Variants in BCAS3 observed in about 807,000 individuals in gnomAD.
The protein encoded by BCAS3 is BCAS3 microtubule associated cell migration factor.
A neutral mutation model predicts 116.1 loss-of-function variants in BCAS3; 53 were observed. The ratio of observed to expected loss-of-function variants is 0.46; its 90% confidence interval spans 0.37 to 0.57. The LOEUF (loss-of-function observed/expected upper bound fraction) is 0.57, where lower values mean the gene tolerates loss of function less well. Ranked by LOEUF, BCAS3 falls within the 20% of genes least tolerant of loss-of-function variation. The pLI, the probability that BCAS3 is intolerant of heterozygous loss-of-function variation, is 0.00. For missense variants in BCAS3, 917 were observed against 1,165.4 expected (o/e 0.79, Z 3.10); for synonymous variants, 391 against 408.2 (o/e 0.96, Z 0.51).
chr17:61,048,695 C>T (rs920488212), intron 19 of BCAS3, among the ~76,000 whole-genome samples: 1 of 151,950 alleles, frequency 6.6e-6, no homozygotes, highest in African/African-American at 2.4e-5. Flanking sequence ...TTCAAACCCT[C>T]ACCTAGAGTT....
intron 4 of BCAS3, among the ~76,000 whole-genome samples, chr17:60,700,377 C>T (rs1290928879): frequency 6.6e-6 from 1 of 152,130 alleles, no homozygotes; most frequent in Non-Finnish European, 1.5e-5. Context: ...TGGTTCCTGG[C>T]TTTGCCAATG....
chr17:60,822,523 T>C (rs2050051681), intron 7 of BCAS3, among the ~76,000 whole-genome samples: 1 of 152,238 alleles, frequency 6.6e-6, no homozygotes, highest in African/African-American at 2.4e-5. Flanking sequence ...ACTTTTTTTC[T>C]GGCATAACAG....
intron 22 of BCAS3, among the ~76,000 whole-genome samples, chr17:61,328,370 T>C (rs909964635): frequency 8.5e-5 from 13 of 152,320 alleles, no homozygotes; most frequent in African/African-American, 3.1e-4. Context: ...ACAATTACCA[T>C]TGTCAGTTAA....
intron 7 of BCAS3, among the ~76,000 whole-genome samples, chr17:60,819,252 A>T (rs2049717139): frequency 6.6e-6 from 1 of 152,298 alleles, no homozygotes; most frequent in South Asian, 2.1e-4. Flanking sequence ...AACATTACAC[A>T]CCTGACTGAC....
rs562850867 is a variant in BCAS3, at chr17:61,188,655, G to A, written c.2425+104091G>A. Among the ~76,000 whole-genome samples, 14 of 152,338 alleles carry A rather than the reference G, an allele frequency of 9.2e-5. No homozygotes were observed. Among genetic ancestry groups the A allele is most frequent in the African/African-American group, 2.9e-4 (12 of 41,574 alleles). Reference sequence around the variant, plus strand: ...GTCCACTGTGGATGCAAGTACAAGCGAGGAGAGGTCCTTCAGGCAACTGCT... The same window carrying A: ...GTCCACTGTGGATGCAAGTACAAGCAAGGAGAGGTCCTTCAGGCAACTGCT... On this transcript the variant is annotated intron_variant, in intron 22 of 23. Coordinates refer to ENST00000407086, the MANE Select transcript of BCAS3 (RefSeq NM_017679.5). The surrounding 1 kb of genome is among the most constrained non-coding windows in gnomAD (Gnocchi z 4.0).
intron 2 of BCAS3, among the ~76,000 whole-genome samples, chr17:60,682,722 A>G (rs2033361424): frequency 6.6e-6 from 1 of 152,082 alleles, no homozygotes; most frequent in Admixed American, 6.6e-5. Context: ...GGGTTTCACC[A>G]TGTTGGCCAG....
chr17:60,905,442 G>A (rs1204352777), intron 11 of BCAS3, among the ~76,000 whole-genome samples: 1 of 152,160 alleles, frequency 6.6e-6, no homozygotes, highest in Non-Finnish European at 1.5e-5. Flanking sequence ...AATACAGATA[G>A]TTTCTGGTTC....
intron 6 of BCAS3, among the ~76,000 whole-genome samples, chr17:60,798,068 G>T (rs949609495): frequency 6.6e-6 from 1 of 152,120 alleles, no homozygotes. Flanking sequence ...CAGAGTTTCT[G>T]TATACCCCTG....
intron 6 of BCAS3, among the ~76,000 whole-genome samples, chr17:60,794,272 T>C (rs1485542904): frequency 1.3e-5 from 2 of 152,206 alleles, no homozygotes; most frequent in Non-Finnish European, 2.9e-5. Flanking sequence ...TCTTACTAAT[T>C]GGTTTGAGTT....
At chr17:60,867,043 A>T (rs1340751319) in intron 7 of BCAS3, among the ~76,000 whole-genome samples, 1 of 151,378 alleles carries the variant, frequency 6.6e-6, no homozygotes, top group Non-Finnish European at 1.5e-5. Context: ...ATTTTTGATG[A>T]GGTTTTAAAC....
chr17:60,742,005 C>A (rs2041597448), intron 5 of BCAS3, among the ~76,000 whole-genome samples: 1 of 151,818 alleles, frequency 6.6e-6, no homozygotes, highest in Non-Finnish European at 1.5e-5. Context: ...TTTTTTTTAA[C>A]TCATTGATTA....
rs1011076499 is a variant in BCAS3, at chr17:61,244,232, A to C, written c.2426-124095A>C. ...ACTTGTAATTTCCTTACCTACAGTT[A>C]ACAACTATTAACATTATGGTATTTA... is the stretch of plus-strand genomic sequence containing the variant. On this transcript the variant is annotated intron_variant, in intron 22 of 23. Transcript: ENST00000407086. This position sits in a 1 kb window ranked among gnomAD's most constrained non-coding sequence, Gnocchi z 4.9. Among the ~76,000 whole-genome samples the C allele has an allele frequency of 6.6e-6, 1 of 152,252 alleles. No individual in the cohort carries two copies. The highest frequency in any genetic ancestry group is 6.5e-5 in the Admixed American group (1 of 15,284).
intron 22 of BCAS3, among the ~76,000 whole-genome samples, chr17:61,262,538 G>A (rs28828167): frequency 0.11 from 16,608 of 151,736 alleles, 1,338 homozygotes; most frequent in African/African-American, 0.23. Flanking sequence ...GCACCACTGC[G>A]CCCAGCTAAT....
intron 6 of BCAS3, among the ~76,000 whole-genome samples, chr17:60,796,204 T>C (rs1005826877): frequency 3.8e-4 from 58 of 152,328 alleles, no homozygotes; most frequent in Admixed American, 3.2e-3. Flanking sequence ...TTTGGTTTTA[T>C]CCTTCCCTGG....
intron 22 of BCAS3, among the ~76,000 whole-genome samples, chr17:61,103,359 G>C (rs1396422430): frequency 1.3e-5 from 2 of 152,054 alleles, no homozygotes; most frequent in East Asian, 3.9e-4. Context: ...CATCACTGTG[G>C]CTTTAGTAAG....
rs9898274 is a variant in BCAS3 at position 61,309,204 on chromosome 17, G to A, written c.2426-59123G>A. Among the ~76,000 whole-genome samples, 8,037 of 152,260 alleles carry A rather than the reference G, an allele frequency of 0.053. 319 individuals carry two copies. The highest frequency in any genetic ancestry group is 0.11 in the African/African-American group (4,663 of 41,532). On this transcript the variant is annotated intron_variant, in intron 22 of 23. Transcript: ENST00000407086. The surrounding 1 kb of genome is among the most constrained non-coding windows in gnomAD (Gnocchi z 4.6). ...AGAACGTTAGCTCATGTGAGGATAC[G>A]TATAAGGGAATTAGATAACTCTCTA...
At chr17:60,734,059 C>G (rs1195156302) in intron 5 of BCAS3, among the ~76,000 whole-genome samples, 1 of 151,936 alleles carries the variant, frequency 6.6e-6, no homozygotes, top group Non-Finnish European at 1.5e-5. Flanking sequence ...ATTGGTGTAT[C>G]AAAAAAGTCA....
chr17:60,807,863 CTTCTT>C lies in BCAS3; in HGVS notation c.404-138_404-134del, dbSNP rs2048426399. ...ATGATGATTTTATATAGTAGCTTTT[CTTCTT>C]TTTATTCAATTGTATAAATTATGTC... On this transcript the variant is annotated intron_variant, in intron 6 of 23. Coordinates refer to ENST00000407086, the MANE Select transcript of BCAS3 (RefSeq NM_017679.5). 12 of 522,280 alleles carry C rather than the reference CTTCTT, an allele frequency of 2.3e-5. No individual in the cohort carries two copies. In the East Asian group the frequency reaches 4.1e-4, roughly 18 times the overall value. The allele number at this position is 522,280 out of a possible 1,614,324, so 32.4% of individuals were successfully genotyped here. A position where few individuals can be genotyped will look rare whatever the true frequency, so the allele number is the denominator to read the frequency against.
intron 5 of BCAS3, among the ~76,000 whole-genome samples, chr17:60,730,225 A>G (rs2040321654): frequency 6.6e-6 from 1 of 151,934 alleles, no homozygotes; most frequent in African/African-American, 2.4e-5. Context: ...GCCTTAAAAC[A>G]CTCCTTTCTA....
Sources: allele counts gnomAD v4.1 joint callset (sites outside exome capture counted in the v4.1 genomes callset), GRCh38; gene constraint gnomAD v4.1.1; non-coding constraint Gnocchi (gnomAD v3.1); transcripts MANE v1.5; gene names NCBI Gene and HGNC (gene_info 2026-07-23, HGNC 2026-07-21).